The following RAPGEF4 variants were observed in gnomAD, a reference collection of about 807,000 sequenced individuals.
RAPGEF4 encodes Rap guanine nucleotide exchange factor 4.
Under a neutral mutation model 147.9 loss-of-function variants are expected in RAPGEF4, and 66 were observed. The ratio of observed to expected loss-of-function variants is 0.45; its 90% CI spans 0.37 to 0.55. The LOEUF is 0.55. RAPGEF4 is among the 20% of genes least tolerant of loss of function. The probability of loss-of-function intolerance (pLI) is 0.00; values close to 1 mark genes in which losing one functional copy is unlikely to be tolerated. For synonymous variants in RAPGEF4, 419 were observed against 442.7 expected, an observed-to-expected ratio of 0.95 and a Z score of 0.67; for missense variants, 1,071 against 1,257.3, an observed-to-expected ratio of 0.85 and a Z score of 2.24.
intron 6 of RAPGEF4, among the ~76,000 whole-genome samples, chr2:172,952,170 C>G (rs2105394130): frequency 6.6e-6 from 1 of 152,248 alleles, no homozygotes; most frequent in South Asian, 2.1e-4. Flanking sequence ...GCCACCACAC[C>G]AGGCTATTTT....
intron 4 of RAPGEF4, among the ~76,000 whole-genome samples, chr2:172,914,577 AGGAG>A (rs2150020568): frequency 6.6e-6 from 1 of 151,710 alleles, no homozygotes; most frequent in East Asian, 1.9e-4. Flanking sequence ...GAGGAAGGGA[AGGAG>A]GGAGGGAGGA....
At chr2:172,815,682 C>G (rs940997305) in intron 4 of RAPGEF4, among the ~76,000 whole-genome samples, 1 of 152,004 alleles carries the variant, frequency 6.6e-6, no homozygotes, top group Non-Finnish European at 1.5e-5. Context: ...GTTTTCAGAA[C>G]AAAAATGATT....
At chr2:173,001,194 A>G (rs1235349041) in intron 16 of RAPGEF4, 72 bp from the exon 17 acceptor site, 2 of 1,599,750 alleles carry the variant, frequency 1.3e-6, no homozygotes, top group African/African-American at 1.3e-5. Context: ...AGAACAAGTG[A>G]ATGGATACTC....
Position 173,014,602 on chromosome 2 carries a change from G to C in RAPGEF4, c.1797G>C (p.Met599Ile). The C allele has an allele frequency of 6.2e-7, 1 of 1,613,182 alleles. No homozygotes were observed. Among genetic ancestry groups the C allele is most frequent in the Non-Finnish European group, 8.5e-7 (1 of 1,179,414 alleles). ...TCCTGCAAGAGGATGACGTGTCTATGGCCTTCCTGGAGGTAGGCAGGGGTC... is the reference window on the plus strand; with the variant it reads ...TCCTGCAAGAGGATGACGTGTCTATCGCCTTCCTGGAGGTAGGCAGGGGTC... ...GDLLQEDDVS[M>I]AFLEEFYVSV... The change falls in exon 18 of 31, where the codon ATG becomes ATC. Residue 599 changes from methionine (M) to isoleucine (I), a missense_variant. Met to Ile is a conservative substitution (Grantham distance 10). Coordinates refer to ENST00000397081, the MANE Select transcript of RAPGEF4 (RefSeq NM_007023.4).
At chr2:172,830,948 G>C (rs898540379) in intron 4 of RAPGEF4, among the ~76,000 whole-genome samples, 1 of 152,106 alleles carries the variant, frequency 6.6e-6, no homozygotes, top group Non-Finnish European at 1.5e-5. Flanking sequence ...ACTGTTATGG[G>C]TTTCTCTGTA....
At chr2:172,973,407 C>T (rs1042478062) in intron 10 of RAPGEF4, among the ~76,000 whole-genome samples, 3 of 152,146 alleles carry the variant, frequency 2.0e-5, no homozygotes, top group Non-Finnish European at 2.9e-5. Flanking sequence ...GCCACTGGGC[C>T]GAGCACCTTT....
At chr2:172,897,294 A>G (rs933866069) in intron 4 of RAPGEF4, among the ~76,000 whole-genome samples, 64 of 152,222 alleles carry the variant, frequency 4.2e-4, no homozygotes, top group Admixed American at 2.6e-4. Context: ...AAGACACCCC[A>G]CATCCCAGTT....
intron 29 of RAPGEF4, among the ~76,000 whole-genome samples, chr2:173,039,877 T>C (rs1684537079): frequency 6.6e-6 from 1 of 152,128 alleles, no homozygotes; most frequent in Non-Finnish European, 1.5e-5. Context: ...AATTCTACCA[T>C]AAGAAAGTTT....
chr2:172,940,321 C>G (rs1052823272), intron 6 of RAPGEF4, among the ~76,000 whole-genome samples: 8 of 151,974 alleles, frequency 5.3e-5, no homozygotes, highest in Non-Finnish European at 8.8e-5. Context: ...GGATGTTTGT[C>G]CTTGCCCAAA....
chr2:173,002,056 G>C (rs34011330), intron 17 of RAPGEF4, among the ~76,000 whole-genome samples: 1 of 137,042 alleles, frequency 7.3e-6, no homozygotes, highest in East Asian at 2.7e-4. Flanking sequence ...TTATGGAGAA[G>C]AACCTGGGAG....
At chr2:172,878,669 T>G (rs751378350) in intron 4 of RAPGEF4, among the ~76,000 whole-genome samples, 3 of 152,198 alleles carry the variant, frequency 2.0e-5, no homozygotes, top group Non-Finnish European at 4.4e-5. Flanking sequence ...AAGTCTTATA[T>G]ATTACATTCC....
intron 6 of RAPGEF4, among the ~76,000 whole-genome samples, chr2:172,924,519 CAG>C (rs1685079397): frequency 6.6e-6 from 1 of 152,132 alleles, no homozygotes; most frequent in Non-Finnish European, 1.5e-5. Flanking sequence ...CTATAGCAAA[CAG>C]AGAACCACAC....
At chr2:172,965,709 A>T in intron 9 of RAPGEF4, 26 bp downstream of exon 9, 1 of 1,614,030 alleles carries the variant, frequency 6.2e-7, no homozygotes. Flanking sequence ...GTCCCTGGAA[A>T]CCTCTCAAGA....
chr2:172,935,490 G>T (rs1299550677), intron 6 of RAPGEF4, among the ~76,000 whole-genome samples: 1 of 152,090 alleles, frequency 6.6e-6, no homozygotes, highest in East Asian at 1.9e-4. Flanking sequence ...ATTGCTTCTC[G>T]CCAGTGATGT....
intron 30 of RAPGEF4, 143 bp from the exon 31 acceptor site, chr2:173,051,497 C>T (rs1017494342): frequency 1.8e-5 from 13 of 729,162 alleles, no homozygotes; most frequent in Middle Eastern, 6.7e-4. Context: ...CAAGTGGAAA[C>T]GTTTCAATGA....
intron 6 of RAPGEF4, among the ~76,000 whole-genome samples, chr2:172,939,009 C>G (rs1330014685): frequency 6.6e-6 from 1 of 152,208 alleles, no homozygotes; most frequent in African/African-American, 2.4e-5. Flanking sequence ...TTTCCTTTAT[C>G]ACTGGATAGT....
intron 4 of RAPGEF4, among the ~76,000 whole-genome samples, chr2:172,877,263 G>A (rs939134542): frequency 6.6e-6 from 1 of 152,092 alleles, no homozygotes; most frequent in African/African-American, 2.4e-5. Flanking sequence ...ACTAACACAG[G>A]AACAGAAAAC....
chr2:172,744,399 T>G (rs1490158411), intron 1 of RAPGEF4: 1 of 456,458 alleles, frequency 2.2e-6, no homozygotes, highest in East Asian at 6.9e-5. Flanking sequence ...AGATTCCCAG[T>G]GCCTACAGTA....
intron 29 of RAPGEF4, among the ~76,000 whole-genome samples, chr2:173,040,689 C>T (rs1684655303): frequency 6.6e-6 from 1 of 152,196 alleles, no homozygotes; most frequent in Non-Finnish European, 1.5e-5. Flanking sequence ...CATCTTCACC[C>T]TTGAGGTATG....
Sources: allele counts gnomAD v4.1 joint callset (sites outside exome capture counted in the v4.1 genomes callset), GRCh38; gene constraint gnomAD v4.1.1; transcripts MANE v1.5; gene names NCBI Gene and HGNC (gene_info 2026-07-23, HGNC 2026-07-21).